Variants in SMARCA2 observed in about 807,000 individuals in gnomAD.
SMARCA2 encodes the protein SWI/SNF related BAF chromatin remodeling complex subunit ATPase 2, also known as SWI/SNF-related matrix-associated actin-dependent regulator of chromatin subfamily A member 2.
A neutral mutation model predicts 199.8 loss-of-function variants in SMARCA2; 61 were observed. The observed-to-expected ratio is 0.31, with a 90% confidence interval of 0.25 to 0.38. The LOEUF is 0.38. SMARCA2 is among the 10% of genes least tolerant of loss of function. The pLI is 1.00. For synonymous variants in SMARCA2, 935 were observed against 732.0 expected (o/e 1.28, Z -4.48); for missense variants, 1,344 against 2,012.2 (o/e 0.67, Z 6.35).
At chr9:2,178,815 C>G (rs1033677107) in intron 29 of SMARCA2, among the ~76,000 whole-genome samples, 6 of 152,098 alleles carry the variant, frequency 3.9e-5, no homozygotes, top group African/African-American at 7.2e-5. Context: ...AATGTGGAAG[C>G]TAGGTACTGC....
rs1047018338 is a variant in SMARCA2, at chr9:2,104,334, T to A, written c.3292+165T>A. 6.6e-6 allele frequency among the ~76,000 whole-genome samples: 1 copy of A among 152,160 alleles called. No homozygotes were observed. Among genetic ancestry groups the A allele is most frequent in the Non-Finnish European group, 1.5e-5 (1 of 68,024 alleles). On this transcript the variant is annotated intron_variant, in intron 23 of 33. Coordinates refer to ENST00000349721, the MANE Select transcript of SMARCA2 (RefSeq NM_003070.5). This position sits in a 1 kb window ranked among gnomAD's most constrained non-coding sequence, Gnocchi z 4.0. Reference sequence around the variant, plus strand: ...AGCAATTTTTTGCATCCTTAAGCTTTAAATAAGCTGACCTCATTTGTGCAG... The same window carrying A: ...AGCAATTTTTTGCATCCTTAAGCTTAAAATAAGCTGACCTCATTTGTGCAG...
chr9:2,131,937 C>CAAAAAAAAAAA (rs140860181), intron 27 of SMARCA2, among the ~76,000 whole-genome samples: 1 of 91,324 alleles, frequency 1.1e-5, no homozygotes, highest in African/African-American at 3.3e-5. Context: ...AACTCCATCT[C>CAAAAAAAAAAA]AAAAAAAAAA....
At chr9:2,148,784 C>T (rs897384200) in intron 27 of SMARCA2, among the ~76,000 whole-genome samples, 4 of 151,492 alleles carry the variant, frequency 2.6e-5, no homozygotes, top group Admixed American at 1.3e-4. Context: ...ACTGAGATTA[C>T]AAGTGTGAGC....
At chr9:2,079,147 A>T (rs1347737447) in intron 14 of SMARCA2, among the ~76,000 whole-genome samples, 2 of 149,848 alleles carry the variant, frequency 1.3e-5, no homozygotes, top group Non-Finnish European at 3.0e-5. Context: ...TCTGGCAGTG[A>T]CCCCTCTTGT....
At chr9:2,059,078 A>T (rs1276021711) in intron 8 of SMARCA2, among the ~76,000 whole-genome samples, 2 of 152,154 alleles carry the variant, frequency 1.3e-5, no homozygotes, top group African/African-American at 4.8e-5. Flanking sequence ...CACAGAAGAG[A>T]TAGGTTTATA....
At chr9:2,031,321 A>G (rs1438029955) in intron 2 of SMARCA2, among the ~76,000 whole-genome samples, 2 of 152,228 alleles carry the variant, frequency 1.3e-5, no homozygotes, top group African/African-American at 2.4e-5. Flanking sequence ...ACATATTGAC[A>G]TCCAAGTCCT....
At chr9:2,059,176 G>T (rs1488646577) in intron 8 of SMARCA2, among the ~76,000 whole-genome samples, 1 of 152,146 alleles carries the variant, frequency 6.6e-6, no homozygotes, top group Non-Finnish European at 1.5e-5. Flanking sequence ...AAGCGTGTGT[G>T]TGTGTGATGT....
intron 29 of SMARCA2, among the ~76,000 whole-genome samples, chr9:2,176,002 T>G (rs1286431960): frequency 2.0e-5 from 3 of 152,038 alleles, no homozygotes; most frequent in East Asian, 1.9e-4. Context: ...TGCCTCAGCC[T>G]CCTGAGTAGC....
chr9:2,090,232 C>G (rs1050502371), intron 19 of SMARCA2, among the ~76,000 whole-genome samples: 5 of 152,140 alleles, frequency 3.3e-5, no homozygotes, highest in African/African-American at 4.8e-5. Context: ...TGAAATGTAT[C>G]TACCCTCAAA....
At chr9:2,183,203 T>C (rs2129901624) in intron 31 of SMARCA2, among the ~76,000 whole-genome samples, 1 of 152,366 alleles carries the variant, frequency 6.6e-6, no homozygotes, top group South Asian at 2.1e-4. Context: ...TGATTACATT[T>C]ACCTTTATTT....
chr9:2,063,351 A>G (rs1338727645), intron 9 of SMARCA2, among the ~76,000 whole-genome samples: 2 of 152,124 alleles, frequency 1.3e-5, no homozygotes, highest in African/African-American at 4.8e-5. Context: ...GACACTTTGG[A>G]TTATCTGTAG....
intron 21 of SMARCA2, 147 bp from the exon 22 acceptor site, chr9:2,101,423 G>T (rs1822509077): frequency 2.1e-6 from 1 of 482,530 alleles, no homozygotes; most frequent in Non-Finnish European, 3.8e-6. Context: ...TGAATTTCTG[G>T]TTCATTACGT....
chr9:2,109,391 A>G (rs901163945), intron 23 of SMARCA2, among the ~76,000 whole-genome samples: 1 of 152,070 alleles, frequency 6.6e-6, no homozygotes, highest in Non-Finnish European at 1.5e-5. Context: ...AATACATTAC[A>G]CATACATAAT....
rs190765534 is a variant in SMARCA2, at chr9:2,104,204, C to A, written c.3292+35C>A. The A allele has an allele frequency of 1.3e-6, 2 of 1,583,164 alleles. No homozygotes were observed. Among genetic ancestry groups the A allele is most frequent in the Admixed American group, 3.4e-5 (2 of 58,204 alleles). On this transcript the variant is annotated intron_variant, in intron 23 of 33. Transcript: ENST00000349721. This position sits in a 1 kb window ranked among gnomAD's most constrained non-coding sequence, Gnocchi z 4.0. Reference sequence around the variant, plus strand: ...TAAGGCATTAGGCTCGGAAGCCATACTACTGAAAATGAAGGGATAATGGGC... The same window carrying A: ...TAAGGCATTAGGCTCGGAAGCCATAATACTGAAAATGAAGGGATAATGGGC...
chr9:2,144,675 C>G (rs757986610), intron 27 of SMARCA2, among the ~76,000 whole-genome samples: 16 of 152,070 alleles, frequency 1.1e-4, no homozygotes, highest in Non-Finnish European at 1.9e-4. Context: ...CAAAAGAGCC[C>G]CGTCTCCAGG....
chr9:2,095,204 G>C (rs1034792258), intron 19 of SMARCA2, among the ~76,000 whole-genome samples: 6 of 151,624 alleles, frequency 4.0e-5, no homozygotes, highest in African/African-American at 1.2e-4. Flanking sequence ...TCCTGCCTCA[G>C]CTTCCTGAGT....
At chr9:2,144,264 G>A (rs534423349) in intron 27 of SMARCA2, among the ~76,000 whole-genome samples, 1 of 152,236 alleles carries the variant, frequency 6.6e-6, no homozygotes, top group East Asian at 1.9e-4. Flanking sequence ...GAAATTTCAG[G>A]GAGGAGAGGG....
chr9:2,125,066 C>T (rs1823628934), intron 27 of SMARCA2, among the ~76,000 whole-genome samples: 1 of 152,098 alleles, frequency 6.6e-6, no homozygotes, highest in South Asian at 2.1e-4. Flanking sequence ...GGTAGAAAGG[C>T]AGTGGGCAGA....
intron 19 of SMARCA2, among the ~76,000 whole-genome samples, chr9:2,095,366 G>A (rs1822231959): frequency 6.6e-6 from 1 of 151,812 alleles, no homozygotes; most frequent in Non-Finnish European, 1.5e-5. Flanking sequence ...CTGCAGGCGT[G>A]AGCCACCGCA....
Sources: gnomAD v4.1 joint callset for allele counts (sites outside exome capture counted in the v4.1 genomes callset) on GRCh38, gnomAD v4.1.1 for gene constraint, Gnocchi (gnomAD v3.1) non-coding constraint, MANE v1.5 for transcripts, NCBI Gene and HGNC (gene_info 2026-07-23, HGNC 2026-07-21) for gene names.